CAB39L: variants seen among roughly 807,000 people sequenced by gnomAD.
The protein encoded by CAB39L is calcium binding protein 39 like.
CAB39L carries 23 observed loss-of-function variants against 39.1 expected under a neutral mutation model. The observed-to-expected ratio is 0.59, with a 90% CI of 0.42 to 0.83. The LOEUF is 0.83. Ranked by LOEUF, CAB39L falls within the 40% of genes least tolerant of loss-of-function variation. The pLI is 0.00. For missense variants in CAB39L, 366 were observed against 391.9 expected (o/e 0.93, Z 0.56); for synonymous variants, 126 against 137.2 (o/e 0.92, Z 0.57).
Position 49,441,271 on chromosome 13 carries a change from TA to T in CAB39L, c.-246+2714del, listed in dbSNP as rs1302867019. 1.7e-3 allele frequency among the ~76,000 whole-genome samples: 247 copies of T among 146,794 alleles called. 1 individual carries two copies. Among genetic ancestry groups the T allele is most frequent in the African/African-American group, 6.1e-3 (234 of 38,166 alleles). On this transcript the variant is annotated intron_variant, in intron 1 of 10. Coordinates refer to ENST00000409308, the MANE Select transcript of CAB39L (RefSeq NM_001079670.3). Reference sequence around the variant, plus strand: ...CCCTTTTCCCATATATTTATATAACTATATACTAAAAGGAGGTTCCCGGCTA... The same window carrying T: ...CCCTTTTCCCATATATTTATATAACTTATACTAAAAGGAGGTTCCCGGCTA...
rs573446019 is a variant in CAB39L at position 49,384,842 on chromosome 13, C to T, written c.-31-1901G>A. On this transcript the variant is annotated intron_variant, in intron 3 of 10. Transcript: ENST00000409308. ...CTGAGCAGTGGGTCTCAACAGAAGG[C>T]TTAAAATATTCAGTAAACCATGCTG... Among the ~76,000 whole-genome samples the T allele has an allele frequency of 3.9e-5, 6 of 152,266 alleles. No individual in the cohort carries two copies. The South Asian group carries it at 1.2e-3, about 32-fold the overall frequency.
At chr13:49,353,306 T>C (rs1955406216) in intron 6 of CAB39L, among the ~76,000 whole-genome samples, 1 of 152,240 alleles carries the variant, frequency 6.6e-6, no homozygotes, top group Admixed American at 6.5e-5. Context: ...TGTTCTGAAA[T>C]GTAAAGGAGA....
At chr13:49,355,207 T>A (rs920114634) in intron 6 of CAB39L, among the ~76,000 whole-genome samples, 3 of 150,960 alleles carry the variant, frequency 2.0e-5, no homozygotes, top group African/African-American at 7.4e-5. Context: ...GGGACCCTGT[T>A]TCTACAAAAA....
At chr13:49,415,336 G>A (rs1052416223) in intron 3 of CAB39L, among the ~76,000 whole-genome samples, 4 of 151,794 alleles carry the variant, frequency 2.6e-5, no homozygotes, top group Non-Finnish European at 5.9e-5. Flanking sequence ...CCAATATGGT[G>A]AAACCCCTTC....
chr13:49,352,861 T>C (rs961991200), intron 6 of CAB39L, among the ~76,000 whole-genome samples: 7 of 152,248 alleles, frequency 4.6e-5, no homozygotes, highest in Admixed American at 4.6e-4. Context: ...TAAGATATTT[T>C]ATTACTCATC....
Position 49,410,232 on chromosome 13 carries a change from G to A in CAB39L, c.-32+23086C>T, listed in dbSNP as rs543742090. Among the ~76,000 whole-genome samples, 3 of 152,262 alleles carry A rather than the reference G, an allele frequency of 2.0e-5. No individual in the cohort carries two copies. The South Asian group carries it at 6.2e-4, about 32-fold the overall frequency. On this transcript the variant is annotated intron_variant, in intron 3 of 10. Transcript: ENST00000409308. Reference sequence around the variant, plus strand: ...ATACTAATAATTCTCATATTTCCCTGTCCTTCTTTGCTGGATCCATGTTCT... The same window carrying A: ...ATACTAATAATTCTCATATTTCCCTATCCTTCTTTGCTGGATCCATGTTCT...
chr13:49,377,878 G>T (rs1248002600), intron 4 of CAB39L, among the ~76,000 whole-genome samples: 2 of 83,172 alleles, frequency 2.4e-5, no homozygotes, highest in Non-Finnish European at 4.8e-5. Flanking sequence ...GAGCGTCTCC[G>T]CCCGGCCGCC....
chr13:49,385,659 A>G (rs1287630828), intron 3 of CAB39L, among the ~76,000 whole-genome samples: 1 of 152,172 alleles, frequency 6.6e-6, no homozygotes, highest in African/African-American at 2.4e-5. Flanking sequence ...GAGGCCACTT[A>G]TAGGGTTATG....
chr13:49,329,134 T>C (rs1358388569), intron 10 of CAB39L, among the ~76,000 whole-genome samples: 1 of 152,182 alleles, frequency 6.6e-6, no homozygotes, highest in African/African-American at 2.4e-5. Context: ...TTCTGGGCCC[T>C]CTACTCTGTT....
chr13:49,340,225 C>T (rs989898708), intron 8 of CAB39L, among the ~76,000 whole-genome samples: 2 of 152,210 alleles, frequency 1.3e-5, no homozygotes, highest in Non-Finnish European at 2.9e-5. Flanking sequence ...TGGAGCACTT[C>T]ACTCTCACCG....
intron 3 of CAB39L, among the ~76,000 whole-genome samples, chr13:49,398,486 G>A (rs1160610376): frequency 6.6e-6 from 1 of 151,878 alleles, no homozygotes. Flanking sequence ...TATCCATTCA[G>A]TAAATACTTG....
chr13:49,345,965 C>T (rs1200827590), intron 7 of CAB39L, among the ~76,000 whole-genome samples: 1 of 150,750 alleles, frequency 6.6e-6, no homozygotes, highest in African/African-American at 2.4e-5. Flanking sequence ...AGGTTAAAAC[C>T]AACACTTTCA....
intron 3 of CAB39L, among the ~76,000 whole-genome samples, chr13:49,395,835 G>C (rs1031873967): frequency 1.3e-5 from 2 of 152,114 alleles, no homozygotes; most frequent in East Asian, 1.9e-4. Context: ...GAGTTGGCAG[G>C]GGGCAGGGGG....
chr13:49,389,966 G>A (rs1956452521), intron 3 of CAB39L, among the ~76,000 whole-genome samples: 1 of 152,118 alleles, frequency 6.6e-6, no homozygotes, highest in South Asian at 2.1e-4. Flanking sequence ...GGGACCACAG[G>A]CATGTGCCAC....
intron 3 of CAB39L, among the ~76,000 whole-genome samples, chr13:49,428,463 A>G (rs1377780731): frequency 6.6e-6 from 1 of 152,248 alleles, no homozygotes; most frequent in Non-Finnish European, 1.5e-5. Flanking sequence ...TTGGTCACAC[A>G]GACCAGTCTT....
rs59441994 is a variant in CAB39L at position 49,331,123 on chromosome 13, A to G, written c.834+824T>C. Among the ~76,000 whole-genome samples, 559 of 152,228 alleles carry G rather than the reference A, an allele frequency of 3.7e-3. 4 individuals carry two copies. Among genetic ancestry groups the G allele is most frequent in the African/African-American group, 0.013 (519 of 41,518 alleles). On this transcript the variant is annotated intron_variant, in intron 10 of 10. Coordinates refer to ENST00000409308, the MANE Select transcript of CAB39L (RefSeq NM_001079670.3). ...AACTATTTACAATAGTTAGGCTGGG[A>G]ATACAGAATTACAAATAGAATTCTC...
At chr13:49,321,680 G>A (rs1288861488) in intron 10 of CAB39L, among the ~76,000 whole-genome samples, 1 of 152,196 alleles carries the variant, frequency 6.6e-6, no homozygotes, top group African/African-American at 2.4e-5. Context: ...CTTATCTAAA[G>A]GTAGGGGCAA....
chr13:49,346,495 C>A (rs1367235918), intron 7 of CAB39L, among the ~76,000 whole-genome samples: 2 of 152,010 alleles, frequency 1.3e-5, no homozygotes, highest in East Asian at 1.9e-4. Flanking sequence ...CCTAACAATT[C>A]TGTTTTGAGA....
At chr13:49,384,817 C>T (rs888815515) in intron 3 of CAB39L, among the ~76,000 whole-genome samples, 1 of 152,178 alleles carries the variant, frequency 6.6e-6, no homozygotes, top group Admixed American at 6.5e-5. Flanking sequence ...ATATTTTATT[C>T]TGAGCAGTGG....
Sources: gnomAD v4.1 joint callset for allele counts (sites outside exome capture counted in the v4.1 genomes callset) on GRCh38, gnomAD v4.1.1 for gene constraint, MANE v1.5 for transcripts, NCBI Gene and HGNC (gene_info 2026-07-23, HGNC 2026-07-21) for gene names.